Variants in GPR89B observed in about 807,000 individuals in gnomAD.
The protein encoded by GPR89B is G protein-coupled receptor 89B.
Under a neutral mutation model 52.4 loss-of-function variants are expected in GPR89B, and 25 were observed. That is an observed-to-expected ratio of 0.48 (90% CI 0.35 to 0.67). The LOEUF is 0.67. GPR89B is among the 30% of genes least tolerant of loss of function. The pLI, the probability that GPR89B is intolerant of heterozygous loss-of-function variation, is 0.01. For missense variants in GPR89B, 146 were observed against 450.2 expected (o/e 0.32, Z 6.11); for synonymous variants, 52 against 151.2 (o/e 0.34, Z 4.81).
intron 2 of GPR89B, among the ~76,000 whole-genome samples, chr1:147,937,902 TAAG>T (rs1389579393): frequency 6.6e-6 from 1 of 152,192 alleles, no homozygotes; most frequent in Middle Eastern, 3.2e-3. Context: ...AAGACAGGCA[TAAG>T]AAATTTAAAA....
the GPR89B span, among the ~76,000 whole-genome samples, chr1:148,009,762 T>G: frequency 6.6e-6 from 1 of 152,086 alleles, no homozygotes; most frequent in East Asian, 1.9e-4. Flanking sequence ...CCTCCCAAGA[T>G]CCAGGTGCAG....
the GPR89B span, chr1:148,009,607 G>A: frequency 1.5e-6 from 2 of 1,350,132 alleles, no homozygotes; most frequent in East Asian, 2.3e-5. Context: ...GAGGGAAGAA[G>A]AAAAAGGTAA....
At chr1:148,021,773 C>CT in the GPR89B span, 1 of 150,254 alleles carries the variant, frequency 6.7e-6, no homozygotes, top group South Asian at 2.2e-4. Context: ...CCACAGGATT[C>CT]TTTTTAATAC....
the GPR89B span, among the ~76,000 whole-genome samples, chr1:147,999,180 G>A: frequency 4.6e-5 from 7 of 151,332 alleles, no homozygotes; most frequent in East Asian, 3.9e-4. Flanking sequence ...TGCAGCAGCC[G>A]CCTCTGATTT....
intron 3 of GPR89B, among the ~76,000 whole-genome samples, chr1:147,939,451 A>G (rs1465980169): frequency 1.3e-5 from 2 of 152,228 alleles, no homozygotes; most frequent in African/African-American, 4.8e-5. Context: ...TGTAGGGTTC[A>G]TCAACTATGC....
the GPR89B span, among the ~76,000 whole-genome samples, chr1:148,018,436 A>G: frequency 1.3e-5 from 2 of 150,190 alleles, no homozygotes; most frequent in African/African-American, 4.9e-5. Flanking sequence ...AAAAAAAGAA[A>G]GAAAAGAAAA....
chr1:147,984,762 G>T (rs1658542640), intron 10 of GPR89B, among the ~76,000 whole-genome samples: 1 of 146,680 alleles, frequency 6.8e-6, no homozygotes, highest in Non-Finnish European at 1.5e-5. Context: ...TTTCTTCTTT[G>T]ATTCATGGGT....
intron 5 of GPR89B, among the ~76,000 whole-genome samples, chr1:147,951,954 T>G (rs1655748548): frequency 6.6e-6 from 1 of 151,970 alleles, no homozygotes; most frequent in African/African-American, 2.4e-5. Context: ...AAACAAAGAT[T>G]GGAAAATGTT....
chr1:147,983,058 G>C (rs1312269310), intron 10 of GPR89B, among the ~76,000 whole-genome samples: 25 of 152,082 alleles, frequency 1.6e-4, no homozygotes, highest in Non-Finnish European at 3.1e-4. Context: ...ACAAACCTGA[G>C]AAAAACAAGC....
In GPR89B at chr1:147,981,756, G is replaced by A. The variant is rs1658270376; in HGVS notation, c.910-4443G>A. ...CGACCTCTGCCTCCTGGGTTCAAGC[G>A]ATTCTCCTGCCTCAGCCGCCTGAGT... On this transcript the variant is annotated intron_variant, in intron 10 of 13. Transcript: ENST00000314163. Among the ~76,000 whole-genome samples the A allele has an allele frequency of 8.0e-5, 12 of 150,790 alleles. No homozygotes were observed. The South Asian group carries it at 2.5e-3, about 32-fold the overall frequency.
At chr1:147,959,533 C>T (rs1196828053) in intron 7 of GPR89B, among the ~76,000 whole-genome samples, 1 of 151,974 alleles carries the variant, frequency 6.6e-6, no homozygotes, top group Non-Finnish European at 1.5e-5. Flanking sequence ...TGGAAGTGCC[C>T]CTTAGCCACC....
the GPR89B span, chr1:148,010,372 C>G: frequency 2.0e-5 from 3 of 152,174 alleles, no homozygotes; most frequent in Admixed American, 2.0e-4. Flanking sequence ...CTGGAATGAC[C>G]GTGCCACTCA....
chr1:147,993,623 C>G (rs1201321732), downstream of GPR89B: 1 of 156,184 alleles, frequency 6.4e-6, no homozygotes, highest in Non-Finnish European at 1.4e-5. Flanking sequence ...CTATCTGCCC[C>G]TCACGCTGTG....
At position 147,928,474 on chromosome 1, in the gene GPR89B, C is replaced by T; in HGVS notation, c.-63C>T. The stretch of plus-strand genomic sequence containing the variant: ...GCAGACCGTGTGAGGGGGCCTGTGG[C>T]CCCAGCGTGCTGTGGCCTCCGGGAG... On this transcript the variant is annotated 5_prime_UTR_variant, in exon 1 of 14. Coordinates refer to ENST00000314163, the MANE Select transcript of GPR89B (RefSeq NM_016334.5). 1.9e-6 allele frequency: 3 copies of T among 1,600,106 alleles called. No individual in the cohort carries two copies. Among genetic ancestry groups the T allele is most frequent in the South Asian group, 1.1e-5 (1 of 90,720 alleles).
At chr1:147,946,861 T>C (rs1655014033) in intron 5 of GPR89B, among the ~76,000 whole-genome samples, 1 of 152,176 alleles carries the variant, frequency 6.6e-6, no homozygotes, top group Admixed American at 6.5e-5. Context: ...TGTACTCCAA[T>C]AGGCATTACA....
At chr1:147,994,164 A>G, downstream of GPR89B, 6 of 1,334,546 alleles carry the variant, frequency 4.5e-6, no homozygotes, top group South Asian at 8.6e-5. Context: ...ACAATCACAC[A>G]TGGTGAATGG....
At chr1:147,990,053 T>G (rs1254678471) in intron 12 of GPR89B, among the ~76,000 whole-genome samples, 2 of 152,236 alleles carry the variant, frequency 1.3e-5, no homozygotes, top group Admixed American at 1.3e-4. Flanking sequence ...CCTTCCACAA[T>G]GGTTGAACTA....
chr1:147,989,835 T>C (rs1658931020), intron 12 of GPR89B, among the ~76,000 whole-genome samples: 1 of 152,234 alleles, frequency 6.6e-6, no homozygotes, highest in Non-Finnish European at 1.5e-5. Flanking sequence ...CTATCATTGA[T>C]GGACATTTGG....
rs1199725245 is a variant in GPR89B at position 147,972,528 on chromosome 1, G to A, written c.909+2569G>A. Among the ~76,000 whole-genome samples, 1,186 of 151,704 alleles carry A rather than the reference G, an allele frequency of 7.8e-3. 27 individuals carry two copies. Among genetic ancestry groups the A allele is most frequent in the African/African-American group, 0.027 (1,113 of 41,146 alleles). ...TAATATTAGACATTCTAATAGATAC[G>A]AGGTGATATTGCATTGTGGTTTTAA... On this transcript the variant is annotated intron_variant, in intron 10 of 13. Transcript: ENST00000314163.
Sources: gnomAD v4.1 joint callset for allele counts (sites outside exome capture counted in the v4.1 genomes callset) on GRCh38, gnomAD v4.1.1 for gene constraint, MANE v1.5 for transcripts, NCBI Gene and HGNC (gene_info 2026-07-23, HGNC 2026-07-21) for gene names.